SCEL: variants seen among roughly 807,000 people sequenced by gnomAD.
SCEL encodes sciellin.
SCEL carries 113 observed loss-of-function variants against 117.6 expected under a neutral mutation model. The observed-to-expected ratio is 0.96, with a 90% CI of 0.83 to 1.12. SCEL has a LOEUF of 1.12. SCEL is among the 50% of genes most tolerant of loss of function. The probability of loss-of-function intolerance (pLI) is 0.00; values close to 1 mark genes in which losing one functional copy is unlikely to be tolerated. For missense variants in SCEL, 785 were observed against 810.8 expected (o/e 0.97, Z 0.39); for synonymous variants, 270 against 256.2 (o/e 1.05, Z -0.51).
chr13:77,573,123 G>A (rs1433902590), intron 9 of SCEL, among the ~76,000 whole-genome samples: 1 of 152,184 alleles, frequency 6.6e-6, no homozygotes, highest in Non-Finnish European at 1.5e-5. Flanking sequence ...CAATTTCCAT[G>A]CTAGGAATGC....
chr13:77,546,499 G>A (rs1158633975), intron 1 of SCEL, among the ~76,000 whole-genome samples: 1 of 152,074 alleles, frequency 6.6e-6, no homozygotes, highest in African/African-American at 2.4e-5. Context: ...TGGTACAGCC[G>A]GTGGTACTTG....
chr13:77,581,493 C>A (rs2086259348), intron 9 of SCEL, among the ~76,000 whole-genome samples: 1 of 152,148 alleles, frequency 6.6e-6, no homozygotes, highest in African/African-American at 2.4e-5. Context: ...TTGCCCAACC[C>A]AGATTCCCAC....
intron 9 of SCEL, among the ~76,000 whole-genome samples, chr13:77,575,363 C>T (rs896138850): frequency 3.3e-5 from 5 of 151,960 alleles, no homozygotes; most frequent in East Asian, 1.9e-4. Context: ...TCTATTCCTA[C>T]GTCTACATCT....
At chr13:77,616,316 TC>T (rs2089036312) in intron 24 of SCEL, among the ~76,000 whole-genome samples, 1 of 152,042 alleles carries the variant, frequency 6.6e-6, no homozygotes, top group African/African-American at 2.4e-5. Flanking sequence ...GAGCATACTG[TC>T]CACTCTACAA....
intron 21 of SCEL, 78 bp downstream of exon 21, chr13:77,609,195 A>G: frequency 9.2e-7 from 1 of 1,083,582 alleles, no homozygotes; most frequent in Non-Finnish European, 1.3e-6. Context: ...ATTTCAGCTG[A>G]CTGATGCTGA....
chr13:77,553,483 G>A (rs1223942476), intron 1 of SCEL, among the ~76,000 whole-genome samples: 1 of 152,128 alleles, frequency 6.6e-6, no homozygotes, highest in South Asian at 2.1e-4. Context: ...AAAGAGGCTA[G>A]CCAAAAGTCC....
intron 24 of SCEL, among the ~76,000 whole-genome samples, chr13:77,614,991 CA>C (rs539348078): frequency 9.7e-4 from 147 of 152,076 alleles, no homozygotes; most frequent in South Asian, 2.7e-3. Flanking sequence ...AATTATGTAC[CA>C]GGGGCACAGA....
At chr13:77,598,761 C>A (rs544563394) in intron 13 of SCEL, among the ~76,000 whole-genome samples, 3 of 152,206 alleles carry the variant, frequency 2.0e-5, no homozygotes, top group Non-Finnish European at 4.4e-5. Context: ...TAGCTCACTG[C>A]AGCCTCCATT....
At chr13:77,620,196 T>C (rs572004131) in intron 27 of SCEL, among the ~76,000 whole-genome samples, 1 of 152,308 alleles carries the variant, frequency 6.6e-6, no homozygotes, top group South Asian at 2.1e-4. Flanking sequence ...TGTTCAAGAA[T>C]TATCACAAAG....
At chr13:77,575,433 T>G (rs755722269) in intron 9 of SCEL, among the ~76,000 whole-genome samples, 1 of 152,200 alleles carries the variant, frequency 6.6e-6, no homozygotes, top group Non-Finnish European at 1.5e-5. Context: ...TGAGGTTAAC[T>G]ACAGCTGAAA....
Position 77,602,686 on chromosome 13 carries a change from A to G in SCEL, c.1010A>G (p.Asn337Ser). The change falls in exon 17 of 33, where the codon AAT becomes AGT. Residue 337 changes from asparagine (N) to serine (S), a missense_variant. Physicochemically the swap from Asn to Ser is conservative, Grantham distance 46. Transcript: ENST00000349847. ...AATCTCGAATCTGTTGCTAAAGTGAATGCCAGGATGAATAAAACGAGCAGA... is the reference window on the plus strand; with the variant it reads ...AATCTCGAATCTGTTGCTAAAGTGAGTGCCAGGATGAATAAAACGAGCAGA... ...RQNLESVAKV[N>S]ARMNKTSRRS... The G allele has an allele frequency of 6.2e-7, 1 of 1,613,872 alleles. No homozygotes were observed. The highest frequency in any genetic ancestry group is 8.5e-7 in the Non-Finnish European group (1 of 1,179,840).
At chr13:77,599,435 T>C (rs1391904423) in intron 14 of SCEL, 47 bp downstream of exon 14, 3 of 1,486,392 alleles carry the variant, frequency 2.0e-6, no homozygotes, top group Non-Finnish European at 2.8e-6. Flanking sequence ...TGCAGATTGC[T>C]CGTCTTATTC....
intron 8 of SCEL, among the ~76,000 whole-genome samples, chr13:77,571,211 G>A (rs973350319): frequency 1.5e-4 from 23 of 150,956 alleles, no homozygotes; most frequent in Non-Finnish European, 3.1e-4. Flanking sequence ...GGGAGGCCGA[G>A]GCGGGTGGAT....
At chr13:77,625,086 A>G (rs145461384) in intron 27 of SCEL, among the ~76,000 whole-genome samples, 1 of 152,274 alleles carries the variant, frequency 6.6e-6, no homozygotes, top group East Asian at 1.9e-4. Flanking sequence ...ACTTTGAGAA[A>G]CAAAGTTCTA....
chr13:77,632,333 C>T (rs555073792), intron 28 of SCEL, among the ~76,000 whole-genome samples: 28 of 152,300 alleles, frequency 1.8e-4, no homozygotes, highest in Non-Finnish European at 3.5e-4. Flanking sequence ...TGTCCTTTGA[C>T]GCTGTCTACT....
At chr13:77,569,595 T>G in intron 8 of SCEL, 144 bp downstream of exon 8, 2 of 598,846 alleles carry the variant, frequency 3.3e-6, no homozygotes, top group South Asian at 4.4e-5. Flanking sequence ...AATCTCTTTC[T>G]CAAATATAGA....
At chr13:77,568,711 C>T (rs1167071732) in intron 7 of SCEL, among the ~76,000 whole-genome samples, 1 of 152,150 alleles carries the variant, frequency 6.6e-6, no homozygotes, top group East Asian at 1.9e-4. Flanking sequence ...TCTATGCCTC[C>T]TCCTTCAGAG....
intron 30 of SCEL, among the ~76,000 whole-genome samples, chr13:77,640,199 C>A (rs576001638): frequency 1.3e-5 from 2 of 152,152 alleles, no homozygotes; most frequent in African/African-American, 4.8e-5. Context: ...ACAGACTCAT[C>A]ATTTTGTGAG....
intron 15 of SCEL, among the ~76,000 whole-genome samples, chr13:77,601,651 CT>C (rs1446305453): frequency 7.2e-5 from 11 of 152,282 alleles, no homozygotes; most frequent in African/African-American, 2.2e-4. Flanking sequence ...AATGACTTGT[CT>C]GAATTCTCAA....
Sources: gnomAD v4.1 joint callset for allele counts (sites outside exome capture counted in the v4.1 genomes callset) on GRCh38, gnomAD v4.1.1 for gene constraint, MANE v1.5 for transcripts, NCBI Gene and HGNC (gene_info 2026-07-23, HGNC 2026-07-21) for gene names.